The following PCSK5 variants were observed in gnomAD, a reference collection of about 807,000 sequenced individuals.
The protein encoded by PCSK5 is proprotein convertase subtilisin/kexin type 5.
PCSK5 carries 129 observed loss-of-function variants against 233.2 expected under a neutral mutation model. The ratio of observed to expected loss-of-function variants is 0.55; its 90% CI spans 0.48 to 0.64. The LOEUF (loss-of-function observed/expected upper bound fraction) is 0.64, where lower values mean the gene tolerates loss of function less well. Ranked by LOEUF, PCSK5 falls within the 30% of genes least tolerant of loss-of-function variation. The pLI is 0.00. For missense variants in PCSK5, 2,076 were observed against 2,430.1 expected, an observed-to-expected ratio of 0.85 and a Z score of 3.06; for synonymous variants, 825 against 879.2, an observed-to-expected ratio of 0.94 and a Z score of 1.09.
chr9:76,022,311 A>G (rs1164529196), intron 3 of PCSK5, among the ~76,000 whole-genome samples: 2 of 152,228 alleles, frequency 1.3e-5, no homozygotes, highest in Non-Finnish European at 2.9e-5. Flanking sequence ...TGAGGAACAT[A>G]TACTTTATAA....
At position 76,164,369 on chromosome 9, in the gene PCSK5, C is replaced by A. The variant is rs539001919; in HGVS notation, c.1619+5198C>A. Among the ~76,000 whole-genome samples, 81 of 152,316 alleles carry A rather than the reference C, an allele frequency of 5.3e-4. 2 individuals carry two copies. Among genetic ancestry groups the A allele is most frequent in the African/African-American group, 1.9e-3 (79 of 41,572 alleles). On this transcript the variant is annotated intron_variant, in intron 12 of 37. Transcript: ENST00000674117. ...TTCAATTTAGAAAGCCTAATTTCCT[C>A]ATTTATAAAATAGATGTAATAGTAT... is the stretch of plus-strand genomic sequence containing the variant.
At chr9:76,058,256 G>A (rs929098030) in intron 5 of PCSK5, among the ~76,000 whole-genome samples, 4 of 152,116 alleles carry the variant, frequency 2.6e-5, no homozygotes, top group African/African-American at 7.2e-5. Flanking sequence ...TCGAGAGTGA[G>A]CAACCAACCT....
At chr9:76,110,035 C>T (rs1476781699) in intron 9 of PCSK5, among the ~76,000 whole-genome samples, 1 of 152,182 alleles carries the variant, frequency 6.6e-6, no homozygotes, top group East Asian at 1.9e-4. Context: ...CCAGCCCCAC[C>T]CCTTGCAATC....
intron 30 of PCSK5, among the ~76,000 whole-genome samples, chr9:76,319,203 G>A (rs545085485): frequency 6.6e-6 from 1 of 152,154 alleles, no homozygotes; most frequent in Non-Finnish European, 1.5e-5. Context: ...GGTGGCTCAC[G>A]CCTGTAATCC....
chr9:76,198,249 G>GT (rs929518152), intron 20 of PCSK5, among the ~76,000 whole-genome samples: 1 of 152,084 alleles, frequency 6.6e-6, no homozygotes, highest in Non-Finnish European at 1.5e-5. Context: ...TCCAGTTGTG[G>GT]TTTTTTTAGG....
intron 30 of PCSK5, among the ~76,000 whole-genome samples, chr9:76,316,328 T>A (rs1829030737): frequency 6.6e-6 from 1 of 152,046 alleles, no homozygotes; most frequent in African/African-American, 2.4e-5. Flanking sequence ...CTTAGGAAAT[T>A]CCAAAGGTTT....
intron 24 of PCSK5, among the ~76,000 whole-genome samples, chr9:76,256,847 T>C (rs574197011): frequency 6.6e-6 from 1 of 152,328 alleles, no homozygotes; most frequent in South Asian, 2.1e-4. Context: ...GTGAAAATCT[T>C]GGGCAAGCCC....
At chr9:76,255,020 C>T (rs1023254288) in intron 24 of PCSK5, among the ~76,000 whole-genome samples, 2 of 152,134 alleles carry the variant, frequency 1.3e-5, no homozygotes, top group Non-Finnish European at 2.9e-5. Flanking sequence ...GGCATGGTGG[C>T]TCATGCCTGT....
chr9:75,990,901 G>A (rs1250439298), intron 3 of PCSK5, among the ~76,000 whole-genome samples: 1 of 152,262 alleles, frequency 6.6e-6, no homozygotes. Flanking sequence ...CAGAACTAAC[G>A]TGTAGTATGT....
intron 24 of PCSK5, among the ~76,000 whole-genome samples, chr9:76,257,275 A>T (rs1204408767): frequency 1.3e-4 from 20 of 152,162 alleles, no homozygotes; most frequent in Admixed American, 1.3e-3. Flanking sequence ...TGGTAGGAAG[A>T]GCTTCAAGCT....
chr9:75,896,339 G>A (rs1479103390), intron 1 of PCSK5, among the ~76,000 whole-genome samples: 1 of 152,190 alleles, frequency 6.6e-6, no homozygotes, highest in African/African-American at 2.4e-5. Context: ...GAGCCTAAAG[G>A]CAGCTGACTT....
intron 24 of PCSK5, among the ~76,000 whole-genome samples, chr9:76,253,175 C>T (rs1338730590): frequency 6.6e-6 from 1 of 152,056 alleles, no homozygotes; most frequent in Non-Finnish European, 1.5e-5. Context: ...TAGTGCATGA[C>T]CCAGGGAGTT....
chr9:76,071,706 T>G lies in PCSK5; in HGVS notation c.722-20T>G. Reference sequence around the variant, plus strand: ...GTAGGGAAGCCCTGTAATGAGCTAGTTCTCCTTTCTGTGTTGAAGGAGTGC... The same window carrying G: ...GTAGGGAAGCCCTGTAATGAGCTAGGTCTCCTTTCTGTGTTGAAGGAGTGC... On this transcript the variant is annotated intron_variant, in intron 6 of 37. Coordinates refer to ENST00000674117, the MANE Select transcript of PCSK5 (RefSeq NM_001372043.1). 1.2e-6 allele frequency: 2 copies of G among 1,601,670 alleles called. No homozygotes were observed. Among genetic ancestry groups the G allele is most frequent in the Non-Finnish European group, 1.7e-6 (2 of 1,172,510 alleles).
chr9:76,257,215 C>G (rs1044417931), intron 24 of PCSK5, among the ~76,000 whole-genome samples: 2 of 152,090 alleles, frequency 1.3e-5, no homozygotes, highest in Non-Finnish European at 2.9e-5. Flanking sequence ...CTCATCTCAC[C>G]CCCCAACTCT....
chr9:76,358,703 T>C lies in PCSK5; in HGVS notation c.5445T>C (p.Ser1815=), dbSNP rs562200035. 19 of 1,612,812 alleles carry C rather than the reference T, an allele frequency of 1.2e-5. No individual in the cohort carries two copies. Among genetic ancestry groups the C allele is most frequent in the Admixed American group, 3.3e-5 (2 of 60,016 alleles). The stretch of plus-strand genomic sequence containing the variant: ...AAAAACTGGCCGACCCCAACAAGTC[T>C]TACTCCTCCTATAAGAGCAGCTATA... ...GYEKLADPNK[S]YSSYKSSYRE... The change falls in exon 38 of 38, where the codon TCT becomes TCC. Residue 1815 remains serine, a synonymous_variant. Transcript: ENST00000674117.
At chr9:75,982,084 C>T (rs1164665117) in intron 2 of PCSK5, among the ~76,000 whole-genome samples, 1 of 152,124 alleles carries the variant, frequency 6.6e-6, no homozygotes, top group African/African-American at 2.4e-5. Context: ...TCCCTTTAAA[C>T]CATTTGTAAC....
intron 7 of PCSK5, among the ~76,000 whole-genome samples, chr9:76,084,500 G>A (rs1830982404): frequency 1.3e-5 from 2 of 152,176 alleles, no homozygotes; most frequent in Admixed American, 6.5e-5. Context: ...AGATTAATCA[G>A]TTATCAATAA....
At chr9:76,157,301 T>C (rs1207009801) in intron 11 of PCSK5, 139 bp downstream of exon 11, 1 of 634,144 alleles carries the variant, frequency 1.6e-6, no homozygotes, top group South Asian at 1.9e-5. Flanking sequence ...GAAATGGTAA[T>C]AGAACGGCTA....
At chr9:76,110,221 A>G (rs985749604) in intron 9 of PCSK5, among the ~76,000 whole-genome samples, 6 of 149,342 alleles carry the variant, frequency 4.0e-5, no homozygotes, top group African/African-American at 1.3e-4. Flanking sequence ...CTCGCTGGGT[A>G]TGCATGGCCT....
Sources: gnomAD v4.1 joint callset for allele counts (sites outside exome capture counted in the v4.1 genomes callset) on GRCh38, gnomAD v4.1.1 for gene constraint, MANE v1.5 for transcripts, NCBI Gene and HGNC (gene_info 2026-07-23, HGNC 2026-07-21) for gene names.